The following FHIT variants were observed in gnomAD, a reference collection of about 807,000 sequenced individuals.
The protein encoded by FHIT is bis(5'-adenosyl)-triphosphatase.
Under a neutral mutation model 17.9 loss-of-function variants are expected in FHIT, and 19 were observed. That is an observed-to-expected ratio of 1.06 (90% CI 0.74 to 1.56). FHIT has a LOEUF of 1.56. FHIT is among the 40% of genes most tolerant of loss of function. The probability of loss-of-function intolerance (pLI) is 0.00; values close to 1 mark genes in which losing one functional copy is unlikely to be tolerated. For missense variants in FHIT, 248 were observed against 189.2 expected (o/e 1.31, Z -1.82); for synonymous variants, 81 against 69.7 (o/e 1.16, Z -0.81).
At chr3:61,000,814 G>C (rs2031026641) in intron 3 of FHIT, among the ~76,000 whole-genome samples, 2 of 152,154 alleles carry the variant, frequency 1.3e-5, no homozygotes, top group Admixed American at 1.3e-4. Context: ...CAGTAAAGAA[G>C]TCCAGTAGAG....
chr3:60,991,492 A>G (rs780426064), intron 3 of FHIT, among the ~76,000 whole-genome samples: 4 of 152,258 alleles, frequency 2.6e-5, no homozygotes, highest in Non-Finnish European at 5.9e-5. Flanking sequence ...ATGGGGGAAG[A>G]AAATGGACAA....
chr3:59,935,707 G>A (rs2107247129), intron 7 of FHIT, among the ~76,000 whole-genome samples: 1 of 151,822 alleles, frequency 6.6e-6, no homozygotes, highest in East Asian at 1.9e-4. Context: ...AGATGGATGA[G>A]TGGGTGGGTG....
At chr3:60,424,591 T>C (rs917864049) in intron 5 of FHIT, among the ~76,000 whole-genome samples, 2 of 152,006 alleles carry the variant, frequency 1.3e-5, no homozygotes, top group Non-Finnish European at 2.9e-5. Flanking sequence ...GCATTGTGCA[T>C]TTCACACCCA....
chr3:59,865,226 G>A (rs559837421), intron 8 of FHIT, among the ~76,000 whole-genome samples: 1 of 152,358 alleles, frequency 6.6e-6, no homozygotes, highest in East Asian at 1.9e-4. Context: ...TGTGGGATTA[G>A]CATTATTATA....
chr3:59,790,922 A>T (rs769172558), intron 8 of FHIT, among the ~76,000 whole-genome samples: 1 of 152,146 alleles, frequency 6.6e-6, no homozygotes, highest in Non-Finnish European at 1.5e-5. Context: ...TTAGTAAAGC[A>T]GGACAAAACT....
At chr3:60,513,169 G>C (rs562216598) in intron 5 of FHIT, among the ~76,000 whole-genome samples, 50 of 152,182 alleles carry the variant, frequency 3.3e-4, no homozygotes, top group Admixed American at 3.3e-3. Context: ...TGGCACAAAG[G>C]AAGTGTCTAC....
chr3:60,001,135 A>G (rs2107500064), intron 7 of FHIT, among the ~76,000 whole-genome samples: 1 of 152,280 alleles, frequency 6.6e-6, no homozygotes, highest in Middle Eastern at 3.4e-3. Flanking sequence ...TATTAACCCA[A>G]ATCTGCAATA....
intron 3 of FHIT, among the ~76,000 whole-genome samples, chr3:60,986,191 G>A (rs543025310): frequency 4.2e-4 from 64 of 152,256 alleles, no homozygotes; most frequent in Non-Finnish European, 7.9e-4. Flanking sequence ...CAACTTTGAG[G>A]GGTCATTATT....
intron 4 of FHIT, among the ~76,000 whole-genome samples, chr3:60,672,282 G>A (rs555449077): frequency 6.6e-6 from 1 of 151,834 alleles, no homozygotes; most frequent in South Asian, 2.1e-4. Context: ...GGGTGCAGGC[G>A]GGCTGAGTCC....
At chr3:61,152,252 A>G (rs2107054956) in intron 2 of FHIT, among the ~76,000 whole-genome samples, 1 of 152,310 alleles carries the variant, frequency 6.6e-6, no homozygotes, top group South Asian at 2.1e-4. Flanking sequence ...AAACCCTTGA[A>G]GGCAGAAGAA....
In FHIT at chr3:59,979,964, C is replaced by T. The variant is rs893656110; in HGVS notation, c.279+31407G>A. Among the ~76,000 whole-genome samples the T allele has an allele frequency of 5.3e-5, 8 of 152,220 alleles. No individual in the cohort carries two copies. The South Asian group carries it at 6.2e-4, about 12-fold the overall frequency. On this transcript the variant is annotated intron_variant, in intron 7 of 9. Coordinates refer to ENST00000492590, the MANE Select transcript of FHIT (RefSeq NM_002012.4). ...AATAAGGTCAGCTGACAACACTGTT[C>T]GACAGAGAAGACTTAATGTGTCTGA...
At chr3:60,347,399 T>G (rs932322341) in intron 5 of FHIT, among the ~76,000 whole-genome samples, 2 of 152,122 alleles carry the variant, frequency 1.3e-5, no homozygotes, top group Non-Finnish European at 2.9e-5. Context: ...GGAACCAACA[T>G]GTTTTCAAGT....
At chr3:59,930,071 C>A (rs1254908242) in intron 7 of FHIT, among the ~76,000 whole-genome samples, 1 of 152,154 alleles carries the variant, frequency 6.6e-6, no homozygotes, top group East Asian at 1.9e-4. Flanking sequence ...CTCTGAGAAC[C>A]AGTGAAGAAT....
At chr3:60,982,302 C>T (rs1173916481) in intron 3 of FHIT, among the ~76,000 whole-genome samples, 1 of 152,184 alleles carries the variant, frequency 6.6e-6, no homozygotes, top group Non-Finnish European at 1.5e-5. Context: ...CCATGAGAAG[C>T]CTGGGTCAGA....
intron 4 of FHIT, among the ~76,000 whole-genome samples, chr3:60,755,270 G>A (rs2042549257): frequency 6.6e-6 from 1 of 152,202 alleles, no homozygotes. Context: ...TTTACTGGAT[G>A]AGTGATGAGG....
At chr3:61,054,396 CA>C (rs2034141442) in intron 2 of FHIT, among the ~76,000 whole-genome samples, 1 of 151,698 alleles carries the variant, frequency 6.6e-6, no homozygotes, top group Admixed American at 6.6e-5. Context: ...TCTGTGATTC[CA>C]TATGATAAAT....
At chr3:61,238,054 A>G (rs886828690) in intron 1 of FHIT, among the ~76,000 whole-genome samples, 17 of 152,194 alleles carry the variant, frequency 1.1e-4, no homozygotes, top group Admixed American at 1.1e-3. Context: ...TAGGCCATGC[A>G]TTGTTCTATG....
chr3:60,628,072 A>C (rs1245746107), intron 4 of FHIT, among the ~76,000 whole-genome samples: 2 of 152,200 alleles, frequency 1.3e-5, no homozygotes, highest in African/African-American at 4.8e-5. Flanking sequence ...TTTTTTAAAA[A>C]TACAGGTACT....
intron 5 of FHIT, among the ~76,000 whole-genome samples, chr3:60,102,232 A>T (rs1360010649): frequency 6.6e-6 from 1 of 152,230 alleles, no homozygotes; most frequent in Admixed American, 6.5e-5. Context: ...CACTACGCTC[A>T]GTATAGATTG....
Sources: gnomAD v4.1 joint callset for allele counts (sites outside exome capture counted in the v4.1 genomes callset) on GRCh38, gnomAD v4.1.1 for gene constraint, MANE v1.5 for transcripts, NCBI Gene and HGNC (gene_info 2026-07-23, HGNC 2026-07-21) for gene names.